Variants in SPINK5 observed in about 807,000 individuals in gnomAD.
SPINK5 encodes serine protease inhibitor Kazal-type 5.
In SPINK5, 125 loss-of-function variants were observed where a neutral mutation model predicts 151.8. The ratio of observed to expected loss-of-function variants is 0.82; its 90% confidence interval spans 0.71 to 0.96. The LOEUF is 0.96. Ranked by LOEUF, SPINK5 falls within the 40% of genes least tolerant of loss-of-function variation. SPINK5 has a pLI of 0.00. For synonymous variants in SPINK5, 374 were observed against 395.3 expected, an observed-to-expected ratio of 0.95 and a Z score of 0.64; for missense variants, 1,194 against 1,291.9, an observed-to-expected ratio of 0.92 and a Z score of 1.16.
Position 148,128,224 on chromosome 5 carries a change from T to G in SPINK5, c.2964+1145T>G, listed in dbSNP as rs1040924092. ...GAGAAGAGCTATTAACAAAATATGT[T>G]TTTTTTTTTAAATACTAAAGTATAA... On this transcript the variant is annotated intron_variant, in intron 30 of 32. Transcript: ENST00000256084. Among the ~76,000 whole-genome samples the G allele has an allele frequency of 2.6e-3, 16 of 6,068 alleles. No homozygotes were observed. In the South Asian group the frequency reaches 0.078, roughly 29 times the overall value. The allele number at this position is 6,068 out of a possible 152,430, so 4.0% of individuals were successfully genotyped here.
At chr5:148,132,201 C>T (rs1008435880) in intron 31 of SPINK5, among the ~76,000 whole-genome samples, 1 of 152,120 alleles carries the variant, frequency 6.6e-6, no homozygotes, top group South Asian at 2.1e-4. Flanking sequence ...ATATGCATCC[C>T]TTCCCTTCTC....
chr5:148,131,304 T>C lies in SPINK5; in HGVS notation c.3010T>C (p.Tyr1004His). The C allele has an allele frequency of 6.2e-7, 1 of 1,613,982 alleles. No individual in the cohort carries two copies. The highest frequency in any genetic ancestry group is 8.5e-7 in the Non-Finnish European group (1 of 1,179,852). ...CTACCGAGTATTGCCCAGGATAGGT[T>C]ATCTTTGTCCAAAGGATTTAAAGCC... ...KDYRVLPRIG[Y>H]LCPKDLKPVC... The change falls in exon 31 of 33, where the codon TAT becomes CAT. Residue 1004 changes from tyrosine (Y) to histidine (H), a missense_variant. By Grantham distance (83) the Tyr-to-His change is moderately conservative (BLOSUM62 2). Coordinates refer to ENST00000256084, the MANE Select transcript of SPINK5 (RefSeq NM_006846.4).
At chr5:148,131,234 T>C (rs1561708883) in intron 30 of SPINK5, 25 bp from the exon 31 acceptor site, 1 of 1,613,260 alleles carries the variant, frequency 6.2e-7, no homozygotes, top group South Asian at 1.1e-5. Flanking sequence ...ATAAAGTACG[T>C]CTGCTTTATT....
intron 11 of SPINK5, 113 bp from the exon 12 acceptor site, chr5:148,099,121 G>T: frequency 1.1e-6 from 1 of 932,738 alleles, no homozygotes; most frequent in Non-Finnish European, 1.7e-6. Context: ...AGTGATAAAG[G>T]GACAAAATTG....
chr5:148,128,770 G>T (rs562326254), intron 30 of SPINK5, among the ~76,000 whole-genome samples: 1 of 152,190 alleles, frequency 6.6e-6, no homozygotes, highest in East Asian at 1.9e-4. Flanking sequence ...TGATCCGCCC[G>T]CCTCGGCCTC....
At chr5:148,135,492 G>C (rs1754675666) in intron 32 of SPINK5, among the ~76,000 whole-genome samples, 1 of 152,216 alleles carries the variant, frequency 6.6e-6, no homozygotes, top group African/African-American at 2.4e-5. Flanking sequence ...TTGTAAAAGA[G>C]TGCCGTTCTT....
At chr5:148,066,020 G>A (rs1224693425) in intron 2 of SPINK5, among the ~76,000 whole-genome samples, 2 of 152,102 alleles carry the variant, frequency 1.3e-5, no homozygotes, top group Non-Finnish European at 2.9e-5. Flanking sequence ...TAGGATCCCT[G>A]AGAATGGAGG....
chr5:148,108,790 G>A lies in SPINK5; in HGVS notation c.1645G>A (p.Glu549Lys), dbSNP rs1212257185. ...AGAAGAGAAGAAAAATGATAAAGAAGAAAAAGGGAAAGTCGAGGCTGAAAA... is the reference window on the plus strand; with the variant it reads ...AGAAGAGAAGAAAAATGATAAAGAAAAAAAAGGGAAAGTCGAGGCTGAAAA... ...EEEEKKNDKE[E>K]KGKVEAEKVK... Residue 549 changes from glutamate (E) to lysine (K), a missense_variant, in exon 18 of 33, where the codon GAA becomes AAA. Physicochemically the swap from Glu to Lys is moderately conservative, Grantham distance 56. Transcript: ENST00000256084. 6.2e-7 allele frequency: 1 copy of A among 1,611,986 alleles called. No individual in the cohort carries two copies. Among genetic ancestry groups the A allele is most frequent in the Non-Finnish European group, 8.5e-7 (1 of 1,178,664 alleles).
At chr5:148,082,327 A>G (rs1009754125) in intron 4 of SPINK5, among the ~76,000 whole-genome samples, 6 of 151,168 alleles carry the variant, frequency 4.0e-5, no homozygotes, top group Non-Finnish European at 8.9e-5. Context: ...AATATTTTTG[A>G]AGATATTAAT....
intron 20 of SPINK5, among the ~76,000 whole-genome samples, 174 bp from the exon 21 acceptor site, chr5:148,114,187 GC>G (rs1282684902): frequency 6.6e-6 from 1 of 151,518 alleles, no homozygotes; most frequent in Non-Finnish European, 1.5e-5. Flanking sequence ...AAGAAATACA[GC>G]CACCTTCTTA....
intron 20 of SPINK5, 136 bp from the exon 21 acceptor site, chr5:148,114,226 C>A: frequency 1.0e-6 from 1 of 980,776 alleles, no homozygotes; most frequent in Non-Finnish European, 1.4e-6. Context: ...ATAAATTGAA[C>A]ACTATAACTG....
In SPINK5 at chr5:148,089,687, C is replaced by T. The variant is rs909028628; in HGVS notation, c.602+66C>T. Reference sequence around the variant, plus strand: ...CTTGGTTGCTGTCCCGAGAATCACTCAGCAGAGAGATAAAATCCTTTTCAT... The same window carrying T: ...CTTGGTTGCTGTCCCGAGAATCACTTAGCAGAGAGATAAAATCCTTTTCAT... On this transcript the variant is annotated intron_variant, in intron 7 of 32. Coordinates refer to ENST00000256084, the MANE Select transcript of SPINK5 (RefSeq NM_006846.4). 3.1e-6 allele frequency: 5 copies of T among 1,607,012 alleles called. No homozygotes were observed. The Admixed American group carries it at 5.0e-5, about 16-fold the overall frequency.
intron 10 of SPINK5, among the ~76,000 whole-genome samples, chr5:148,096,929 CT>C (rs1421241335): frequency 6.6e-6 from 1 of 151,350 alleles, no homozygotes; most frequent in Non-Finnish European, 1.5e-5. Context: ...TAGCTTAAGC[CT>C]CATTTTGAAC....
intron 4 of SPINK5, among the ~76,000 whole-genome samples, chr5:148,079,403 A>T (rs1752963272): frequency 6.6e-6 from 1 of 151,218 alleles, no homozygotes; most frequent in South Asian, 2.1e-4. Flanking sequence ...TTTACAGCTC[A>T]TTATATCAGT....
Position 148,111,785 on chromosome 5 carries a change from T to A in SPINK5, c.1710T>A (p.Tyr570Ter), listed in dbSNP as rs1453593181. Residue 570 changes from tyrosine (Y) to a stop codon, truncating the protein, a stop_gained, in exon 19 of 33, where the codon TAT becomes TAA. Coordinates refer to ENST00000256084, the MANE Select transcript of SPINK5 (RefSeq NM_006846.4). LOFTEE classifies it high-confidence loss of function. The stretch of plus-strand genomic sequence containing the variant: ...TTTGGCAGGAGCTGTGCAGTGAATA[T>A]CGTCATTATGTGAGGAATGGACGAC... ...REAVQELCSE[Y>*]RHYVRNGRLP... 1 of 1,614,018 alleles carries A rather than the reference T, an allele frequency of 6.2e-7. No individual in the cohort carries two copies.
In SPINK5 at chr5:148,091,102, G is replaced by A. The variant is rs1753296123; in HGVS notation, c.603-63G>A. On this transcript the variant is annotated intron_variant, in intron 7 of 32. Coordinates refer to ENST00000256084, the MANE Select transcript of SPINK5 (RefSeq NM_006846.4). ...GAGGATATGAAAGTGTTTAGCACAG[G>A]ACTGAGGATACTGAAAATATGATTG... 2.2e-6 allele frequency: 3 copies of A among 1,372,684 alleles called. No homozygotes were observed. In the South Asian group the frequency reaches 3.6e-5, roughly 16 times the overall value. The allele number at this position is 1,372,684 out of a possible 1,614,324, so 85.0% of individuals were successfully genotyped here.
At chr5:148,080,996 T>C (rs751305926) in intron 4 of SPINK5, among the ~76,000 whole-genome samples, 7 of 151,602 alleles carry the variant, frequency 4.6e-5, no homozygotes, top group Non-Finnish European at 8.9e-5. Flanking sequence ...GATATATGAA[T>C]GGCTAATAAG....
In SPINK5 at chr5:148,107,022, T is replaced by G. The variant is rs373474435; in HGVS notation, c.1480-15T>G. On this transcript the variant is annotated splice_polypyrimidine_tract_variant and intron_variant, in intron 16 of 32. Coordinates refer to ENST00000256084, the MANE Select transcript of SPINK5 (RefSeq NM_006846.4). ...TAGAAAACTACTCTGAGAAAATATTTTCTTCATTTCCCAGGAAATCTGCAG... is the reference window on the plus strand; with the variant it reads ...TAGAAAACTACTCTGAGAAAATATTGTCTTCATTTCCCAGGAAATCTGCAG... 4.3e-6 allele frequency: 7 copies of G among 1,610,736 alleles called. No individual in the cohort carries two copies. Among genetic ancestry groups the G allele is most frequent in the Non-Finnish European group, 5.9e-6 (7 of 1,177,972 alleles).
At chr5:148,096,918 A>C (rs13181329) in intron 10 of SPINK5, among the ~76,000 whole-genome samples, 70,199 of 151,286 alleles carry the variant, frequency 0.46, 17,030 homozygotes, top group Admixed American at 0.59. Context: ...GCCACTACAC[A>C]TAGCTTAAGC....
Sources: gnomAD v4.1 joint callset for allele counts (sites outside exome capture counted in the v4.1 genomes callset) on GRCh38, gnomAD v4.1.1 for gene constraint, MANE v1.5 for transcripts, NCBI Gene and HGNC (gene_info 2026-07-23, HGNC 2026-07-21) for gene names.